The following DNAH9 variants were observed in gnomAD, a reference collection of about 807,000 sequenced individuals.
The protein encoded by DNAH9 is dynein axonemal heavy chain 9.
DNAH9 carries 345 observed loss-of-function variants against 471.6 expected under a neutral mutation model. The ratio of observed to expected loss-of-function variants is 0.73; its 90% CI spans 0.67 to 0.80. The LOEUF is 0.80. Ranked by LOEUF, DNAH9 falls within the 30% of genes least tolerant of loss-of-function variation. DNAH9 has a pLI of 0.00. For missense variants in DNAH9, 5,407 were observed against 5,609.2 expected, an observed-to-expected ratio of 0.96 and a Z score of 1.15; for synonymous variants, 2,093 against 2,123.6, an observed-to-expected ratio of 0.99 and a Z score of 0.40.
chr17:11,961,616 A>G (rs1023597961), intron 67 of DNAH9, among the ~76,000 whole-genome samples: 1 of 152,214 alleles, frequency 6.6e-6, no homozygotes, highest in Non-Finnish European at 1.5e-5. Flanking sequence ...TGAGTAGAAC[A>G]GTTGAGACTC....
chr17:11,798,310 A>G (rs547695401), intron 43 of DNAH9, among the ~76,000 whole-genome samples: 1 of 151,330 alleles, frequency 6.6e-6, no homozygotes, highest in East Asian at 2.0e-4. Context: ...GCACGTGCCT[A>G]TCATCCCAGC....
chr17:11,752,994 TA>T, intron 33 of DNAH9, 34 bp downstream of exon 33: 1 of 1,509,268 alleles, frequency 6.6e-7, no homozygotes, highest in Non-Finnish European at 8.9e-7. Flanking sequence ...AGATCATTTC[TA>T]ATCACCTGTG....
At chr17:11,712,118 A>C (rs572445793) in intron 26 of DNAH9, among the ~76,000 whole-genome samples, 1 of 123,720 alleles carries the variant, frequency 8.1e-6, no homozygotes, top group Non-Finnish European at 1.6e-5. Flanking sequence ...ATATATATTT[A>C]TATATAAATT....
rs139514709 is a variant in DNAH9, at chr17:11,878,635, A to G, written c.10479-1443A>G. ...CAGTGGTGAAATCATGGCTCCCTGC[A>G]GCCTCGACCTCCGGGGTTCAAGCAG... is the stretch of plus-strand genomic sequence containing the variant. On this transcript the variant is annotated intron_variant, in intron 53 of 68. Transcript: ENST00000262442. Among the ~76,000 whole-genome samples, 503 of 152,262 alleles carry G rather than the reference A, an allele frequency of 3.3e-3. 6 individuals are homozygous for G. The highest frequency in any genetic ancestry group is 0.011 in the African/African-American group (464 of 41,548).
chr17:11,822,370 C>T (rs769498301), intron 46 of DNAH9, 68 bp from the exon 47 acceptor site: 47 of 1,570,420 alleles, frequency 3.0e-5, no homozygotes, highest in Non-Finnish European at 4.0e-5. Flanking sequence ...AACCCAAGGC[C>T]ATATCTGCCT....
At chr17:11,799,006 A>G (rs1969356527) in intron 43 of DNAH9, among the ~76,000 whole-genome samples, 1 of 151,932 alleles carries the variant, frequency 6.6e-6, no homozygotes, top group Non-Finnish European at 1.5e-5. Flanking sequence ...ATCACTCCCC[A>G]TCATCCGCTA....
intron 41 of DNAH9, among the ~76,000 whole-genome samples, chr17:11,787,988 C>T (rs561485293): frequency 2.0e-5 from 3 of 152,238 alleles, no homozygotes; most frequent in South Asian, 2.1e-4. Context: ...AGCATGAAAA[C>T]GGACCAGTAC....
At chr17:11,769,932 T>A (rs1229129846) in intron 38 of DNAH9, among the ~76,000 whole-genome samples, 1 of 152,234 alleles carries the variant, frequency 6.6e-6, no homozygotes, top group Non-Finnish European at 1.5e-5. Context: ...TCTCCTTTTT[T>A]ATGGAAACAA....
rs1006600833 is a variant in DNAH9, at chr17:11,834,599, G to C, written c.9247-39G>C. The C allele has an allele frequency of 1.9e-6, 3 of 1,610,388 alleles. No homozygotes were observed. The South Asian group carries it at 3.3e-5, about 18-fold the overall frequency. On this transcript the variant is annotated intron_variant, in intron 48 of 68. Transcript: ENST00000262442. ...TAGTCCAGTGCCCACAGTCCCTCCA[G>C]TCACAACTCCTGATAAGTCCCGTGC...
chr17:11,792,096 A>G lies in DNAH9; in HGVS notation c.8062-1407A>G, dbSNP rs921591273. Among the ~76,000 whole-genome samples, 3 of 152,090 alleles carry G rather than the reference A, an allele frequency of 2.0e-5. 1 individual carries two copies. Among genetic ancestry groups the G allele is most frequent in the Admixed American group, 1.3e-4 (2 of 15,270 alleles). On this transcript the variant is annotated intron_variant, in intron 41 of 68. Coordinates refer to ENST00000262442, the MANE Select transcript of DNAH9 (RefSeq NM_001372.4). ...TGGGAGTTCAAGACCAGCCTGACCA[A>G]CAATGAGAAACCCCATCTCTACTAA...
At chr17:11,863,598 G>A (rs143919592) in intron 50 of DNAH9, among the ~76,000 whole-genome samples, 69,480 of 149,686 alleles carry the variant, frequency 0.46, 16,693 homozygotes, top group Non-Finnish European at 0.53. Flanking sequence ...AAGGAATGGT[G>A]CCAGCTCCTC....
chr17:11,960,041 A>T (rs1036510131), intron 67 of DNAH9, among the ~76,000 whole-genome samples: 2 of 152,148 alleles, frequency 1.3e-5, no homozygotes, highest in African/African-American at 4.8e-5. Flanking sequence ...GTTCATAAAG[A>T]AGTTACCAGT....
chr17:11,955,635 G>A (rs918559088), intron 67 of DNAH9, among the ~76,000 whole-genome samples: 2 of 152,192 alleles, frequency 1.3e-5, no homozygotes, highest in African/African-American at 4.8e-5. Flanking sequence ...TGGTGCTGTA[G>A]TAAGAATACA....
At chr17:11,722,990 G>A (rs2075087868) in intron 27 of DNAH9, 1 of 152,228 alleles carries the variant, frequency 6.6e-6, no homozygotes, top group South Asian at 2.1e-4. Context: ...CCTTCACTTC[G>A]GAAATGCTAT....
chr17:11,733,902 A>T (rs988307934), intron 28 of DNAH9, among the ~76,000 whole-genome samples: 13 of 151,518 alleles, frequency 8.6e-5, no homozygotes, highest in Admixed American at 2.6e-4. Context: ...CAAATTATCC[A>T]AATGATAAGG....
intron 29 of DNAH9, 105 bp from the exon 30 acceptor site, chr17:11,742,070 C>A: frequency 9.9e-7 from 1 of 1,007,768 alleles, no homozygotes. Context: ...TTTGCACTCA[C>A]AGATGCCTCC....
At chr17:11,769,354 T>TG (rs1267024705) in intron 38 of DNAH9, 25 bp downstream of exon 38, 4 of 1,586,090 alleles carry the variant, frequency 2.5e-6, no homozygotes, top group African/African-American at 1.3e-5. Context: ...GCACCTGGGG[T>TG]GGGGGGCATC....
chr17:11,608,541 G>A (rs544946642), intron 2 of DNAH9, among the ~76,000 whole-genome samples: 15 of 152,292 alleles, frequency 9.8e-5, no homozygotes, highest in African/African-American at 3.6e-4. Context: ...AGTCTTCCAA[G>A]GCTATTACAG....
chr17:11,839,994 A>G (rs1440098221), intron 49 of DNAH9, among the ~76,000 whole-genome samples: 4 of 152,184 alleles, frequency 2.6e-5, no homozygotes, highest in Non-Finnish European at 2.9e-5. Context: ...GCTATGGAAA[A>G]CAGTATACAA....
Sources: allele counts gnomAD v4.1 joint callset (sites outside exome capture counted in the v4.1 genomes callset), GRCh38; gene constraint gnomAD v4.1.1; transcripts MANE v1.5; gene names NCBI Gene and HGNC (gene_info 2026-07-23, HGNC 2026-07-21).